Variants in CARNMT1 observed in about 807,000 individuals in gnomAD.
CARNMT1 encodes the protein carnosine N-methyltransferase 1.
A neutral mutation model predicts 49.6 loss-of-function variants in CARNMT1; 28 were observed. The ratio of observed to expected loss-of-function variants is 0.56; its 90% CI spans 0.42 to 0.77. The LOEUF (loss-of-function observed/expected upper bound fraction) is 0.77. CARNMT1 is among the 30% of genes least tolerant of loss of function. The pLI, the probability that CARNMT1 is intolerant of heterozygous loss-of-function variation, is 0.00. For missense variants in CARNMT1, 421 were observed against 512.6 expected (o/e 0.82, Z 1.73); for synonymous variants, 178 against 175.0 (o/e 1.02, Z -0.13).
intron 1 of CARNMT1, among the ~76,000 whole-genome samples, chr9:75,023,696 T>C (rs1432952835): frequency 6.6e-6 from 1 of 152,228 alleles, no homozygotes; most frequent in African/African-American, 2.4e-5. Context: ...CAGAATTGCT[T>C]TAAGGCAGGG....
Position 75,019,855 on chromosome 9 carries a change from C to A in CARNMT1, c.231-2407G>T, listed in dbSNP as rs145790118. 1.8e-3 allele frequency among the ~76,000 whole-genome samples: 276 copies of A among 152,348 alleles called. 2 individuals carry two copies. The highest frequency in any genetic ancestry group is 6.4e-3 in the African/African-American group (268 of 41,572). On this transcript the variant is annotated intron_variant, in intron 1 of 7. Transcript: ENST00000376834. ...TTTGAGATCGTGTAACCACAGGCTG[C>A]AGTCACTATCATATTGGCCCAGAAC...
chr9:74,995,637 G>A (rs1177306666), intron 6 of CARNMT1, among the ~76,000 whole-genome samples: 1 of 152,156 alleles, frequency 6.6e-6, no homozygotes, highest in African/African-American at 2.4e-5. Flanking sequence ...GAGAGTAGGT[G>A]TCAGAAATCA....
upstream of CARNMT1, chr9:75,028,356 G>C: frequency 7.7e-7 from 1 of 1,302,936 alleles, no homozygotes. Context: ...CCCAGCTCGC[G>C]GCGCGCTCCG....
At chr9:75,017,756 A>G (rs1833895091) in intron 1 of CARNMT1, among the ~76,000 whole-genome samples, 1 of 152,226 alleles carries the variant, frequency 6.6e-6, no homozygotes, top group South Asian at 2.1e-4. Flanking sequence ...TTTAAACTTA[A>G]AATTTTCAGC....
chr9:75,022,908 G>A (rs1289434222), intron 1 of CARNMT1, among the ~76,000 whole-genome samples: 1 of 152,116 alleles, frequency 6.6e-6, no homozygotes, highest in African/African-American at 2.4e-5. Context: ...GCTGAGGTGG[G>A]CAGATCACTT....
At chr9:75,007,749 A>T (rs1054615264) in intron 3 of CARNMT1, among the ~76,000 whole-genome samples, 2 of 150,562 alleles carry the variant, frequency 1.3e-5, no homozygotes, top group Non-Finnish European at 3.0e-5. Flanking sequence ...AAATAATAAA[A>T]AAAAAAAAAC....
chr9:74,992,785 T>C (rs1363375289), intron 6 of CARNMT1, among the ~76,000 whole-genome samples: 3 of 152,198 alleles, frequency 2.0e-5, no homozygotes, highest in Non-Finnish European at 4.4e-5. Context: ...ATATATAATT[T>C]TACCTCCAAT....
At chr9:75,017,121 T>C in intron 2 of CARNMT1, 132 bp downstream of exon 2, 4 of 671,368 alleles carry the variant, frequency 6.0e-6, no homozygotes, top group Non-Finnish European at 1.0e-5. Flanking sequence ...TGACTGAACA[T>C]TTAAGTTAAA....
At chr9:75,021,711 G>A (rs1166572445) in intron 1 of CARNMT1, among the ~76,000 whole-genome samples, 1 of 151,946 alleles carries the variant, frequency 6.6e-6, no homozygotes, top group South Asian at 2.1e-4. Flanking sequence ...TGGGAAGCCT[G>A]TTTGAGGCCA....
chr9:75,002,639 G>A (rs193101238), intron 3 of CARNMT1, among the ~76,000 whole-genome samples: 1 of 152,262 alleles, frequency 6.6e-6, no homozygotes, highest in Non-Finnish European at 1.5e-5. Flanking sequence ...CTGTGGCATA[G>A]CCCTGCTCTG....
intron 3 of CARNMT1, among the ~76,000 whole-genome samples, chr9:75,008,425 G>C (rs1032141374): frequency 5.3e-5 from 8 of 152,246 alleles, no homozygotes; most frequent in Non-Finnish European, 1.0e-4. Context: ...TCTGCCTCCT[G>C]AGTTCAAGCA....
chr9:75,000,169 C>T (rs567614116), intron 3 of CARNMT1, among the ~76,000 whole-genome samples: 1 of 152,212 alleles, frequency 6.6e-6, no homozygotes, highest in African/African-American at 2.4e-5. Context: ...TCACCCTGAA[C>T]AACTATCTTA....
chr9:74,997,111 G>C (rs916774072), intron 5 of CARNMT1, among the ~76,000 whole-genome samples: 1 of 152,084 alleles, frequency 6.6e-6, no homozygotes, highest in Non-Finnish European at 1.5e-5. Context: ...TTGCCTCTAG[G>C]AGGTATGGTG....
At chr9:75,019,922 CACCATCTGGATA>C (rs1336215589) in intron 1 of CARNMT1, among the ~76,000 whole-genome samples, 1 of 152,220 alleles carries the variant, frequency 6.6e-6, no homozygotes, top group Non-Finnish European at 1.5e-5. Context: ...TTACTCCCAT[CACCATCTGGATA>C]ACCTCAAGAA....
chr9:74,985,482 G>C (rs1197360726), intron 6 of CARNMT1, among the ~76,000 whole-genome samples: 14 of 152,150 alleles, frequency 9.2e-5, no homozygotes, highest in African/African-American at 3.1e-4. Flanking sequence ...ATTAGAGCTG[G>C]CTTTTATTTT....
intron 3 of CARNMT1, among the ~76,000 whole-genome samples, chr9:75,008,888 C>T (rs1396260609): frequency 1.3e-5 from 2 of 152,126 alleles, no homozygotes; most frequent in Non-Finnish European, 2.9e-5. Context: ...CGAGGACTCA[C>T]ACTTCCTGAC....
intron 1 of CARNMT1, among the ~76,000 whole-genome samples, chr9:75,026,361 A>T (rs1174343528): frequency 6.6e-6 from 1 of 152,236 alleles, no homozygotes; most frequent in African/African-American, 2.4e-5. Flanking sequence ...ATTAAAAGTA[A>T]GTACAACTAC....
At chr9:75,001,155 TGCAACAGAAA>T (rs1833341319) in intron 3 of CARNMT1, among the ~76,000 whole-genome samples, 1 of 152,154 alleles carries the variant, frequency 6.6e-6, no homozygotes, top group Non-Finnish European at 1.5e-5. Context: ...ATCAAACTCA[TGCAACAGAAA>T]GCAAAAGGAT....
At chr9:75,005,475 C>CTTT (rs57445834) in intron 3 of CARNMT1, among the ~76,000 whole-genome samples, 2 of 132,136 alleles carry the variant, frequency 1.5e-5, no homozygotes, top group African/African-American at 2.7e-5. Context: ...AGTATATGAT[C>CTTT]TTTTTTTTTT....
Sources: allele counts gnomAD v4.1 joint callset (sites outside exome capture counted in the v4.1 genomes callset), GRCh38; gene constraint gnomAD v4.1.1; transcripts MANE v1.5; gene names NCBI Gene and HGNC (gene_info 2026-07-23, HGNC 2026-07-21).